Variants in FCHSD2 observed in about 807,000 individuals in gnomAD.
FCHSD2 encodes the protein F-BAR and double SH3 domains protein 2.
A neutral mutation model predicts 108.1 loss-of-function variants in FCHSD2; 38 were observed. That is an observed-to-expected ratio of 0.35 (90% CI 0.27 to 0.46). The LOEUF is 0.46. Ranked by LOEUF, FCHSD2 falls within the 20% of genes least tolerant of loss-of-function variation. FCHSD2 has a pLI of 1.00. For missense variants in FCHSD2, 751 were observed against 897.8 expected (o/e 0.84, Z 2.09); for synonymous variants, 279 against 314.7 (o/e 0.89, Z 1.20).
At chr11:73,080,750 C>T (rs571137650) in intron 3 of FCHSD2, among the ~76,000 whole-genome samples, 2 of 152,112 alleles carry the variant, frequency 1.3e-5, no homozygotes, top group East Asian at 3.9e-4. Flanking sequence ...TCAAAACCAG[C>T]CTGGACAACA....
intron 9 of FCHSD2, among the ~76,000 whole-genome samples, chr11:72,905,736 A>G (rs9795303): frequency 1 from 151,844 of 152,320 alleles, 75,685 homozygotes; most frequent in Middle Eastern, 1. Context: ...TTGGTTTCCA[A>G]CTTCATCAAT....
At chr11:72,866,318 G>A (rs1048886399) in intron 13 of FCHSD2, among the ~76,000 whole-genome samples, 17 of 152,106 alleles carry the variant, frequency 1.1e-4, no homozygotes, top group Non-Finnish European at 8.8e-5. Context: ...CACCCAGGCT[G>A]GAGTGCAATG....
At chr11:72,974,055 A>T (rs572815010) in intron 8 of FCHSD2, among the ~76,000 whole-genome samples, 42 of 122,440 alleles carry the variant, frequency 3.4e-4, no homozygotes, top group Non-Finnish European at 5.3e-4. Context: ...CAGAGTTGAT[A>T]ACAGACAGGT....
intron 3 of FCHSD2, among the ~76,000 whole-genome samples, chr11:73,077,097 C>CAAAAAAAAAAAAA (rs372641793): frequency 1.4e-5 from 1 of 72,486 alleles, no homozygotes. Flanking sequence ...GACTCTGTCT[C>CAAAAAAAAAAAAA]AAAAAAAAAA....
intron 2 of FCHSD2, among the ~76,000 whole-genome samples, chr11:73,100,891 A>T (rs1267626155): frequency 6.8e-6 from 1 of 147,174 alleles, no homozygotes. Context: ...AATGCTGTTT[A>T]GAGGTCCTTC....
intron 12 of FCHSD2, among the ~76,000 whole-genome samples, chr11:72,873,916 C>A (rs966648428): frequency 5.9e-5 from 9 of 152,162 alleles, no homozygotes; most frequent in Non-Finnish European, 1.2e-4. Flanking sequence ...TAACTAGAAA[C>A]CTTCCACTGG....
At chr11:72,955,391 C>G (rs888996741) in intron 8 of FCHSD2, among the ~76,000 whole-genome samples, 17 of 152,184 alleles carry the variant, frequency 1.1e-4, no homozygotes, top group African/African-American at 3.6e-4. Flanking sequence ...CATGCCCTCT[C>G]TGGGTGGGCT....
At position 72,877,076 on chromosome 11, in the gene FCHSD2, G is replaced by T. The variant is rs184452452; in HGVS notation, c.1147-9050C>A. On this transcript the variant is annotated intron_variant, in intron 12 of 19. Coordinates refer to ENST00000409418, the MANE Select transcript of FCHSD2 (RefSeq NM_014824.3). The stretch of plus-strand genomic sequence containing the variant: ...AGCCTCAACCTCCAGGCTGCCTCCA[G>T]TGCAGCCTCATCCTCCTACCTCACC... Among the ~76,000 whole-genome samples, 10 of 151,974 alleles carry T rather than the reference G, an allele frequency of 6.6e-5. No individual in the cohort carries two copies. The East Asian group carries it at 1.2e-3, about 18-fold the overall frequency.
chr11:73,093,688 G>A (rs1267034435), intron 2 of FCHSD2, among the ~76,000 whole-genome samples: 3 of 151,862 alleles, frequency 2.0e-5, no homozygotes, highest in South Asian at 4.1e-4. Flanking sequence ...CACAACCTCC[G>A]CCTCCCGGGT....
intron 2 of FCHSD2, among the ~76,000 whole-genome samples, chr11:73,105,355 C>G (rs1860317829): frequency 1.3e-5 from 2 of 152,206 alleles, no homozygotes; most frequent in African/African-American, 4.8e-5. Flanking sequence ...CTTTATCACA[C>G]CTTCCCTTCC....
chr11:72,993,764 GA>G (rs1450590959), intron 5 of FCHSD2, among the ~76,000 whole-genome samples: 4 of 131,200 alleles, frequency 3.0e-5, no homozygotes, highest in Admixed American at 8.1e-5. Context: ...GTTGTGGGGT[GA>G]GGGGAGGGGG....
chr11:72,888,819 T>G (rs1855254001), intron 11 of FCHSD2, among the ~76,000 whole-genome samples: 1 of 152,234 alleles, frequency 6.6e-6, no homozygotes, highest in African/African-American at 2.4e-5. Context: ...CCGGGTTTTT[T>G]GCCATGTTGC....
intron 9 of FCHSD2, among the ~76,000 whole-genome samples, chr11:72,906,501 A>T (rs879945341): frequency 6.6e-6 from 1 of 152,182 alleles, no homozygotes; most frequent in Non-Finnish European, 1.5e-5. Context: ...GTCTTTGCCC[A>T]TGCCTATGTC....
At chr11:72,961,536 G>A (rs539400449) in intron 8 of FCHSD2, among the ~76,000 whole-genome samples, 7 of 152,212 alleles carry the variant, frequency 4.6e-5, no homozygotes, top group Admixed American at 2.6e-4. Flanking sequence ...GATTACAGGC[G>A]TGAGCCACCA....
At chr11:72,862,308 T>C (rs960214332) in intron 13 of FCHSD2, among the ~76,000 whole-genome samples, 1 of 152,194 alleles carries the variant, frequency 6.6e-6, no homozygotes, top group African/African-American at 2.4e-5. Flanking sequence ...AGTAAAACTG[T>C]CTTTATTTGC....
chr11:73,135,880 C>T (rs141223001), intron 2 of FCHSD2, among the ~76,000 whole-genome samples: 4 of 152,228 alleles, frequency 2.6e-5, no homozygotes, highest in East Asian at 1.9e-4. Context: ...TTAAGGGGTG[C>T]GTTGCAGCAG....
intron 2 of FCHSD2, among the ~76,000 whole-genome samples, chr11:73,128,812 A>G (rs1860920062): frequency 1.3e-5 from 2 of 152,210 alleles, no homozygotes; most frequent in African/African-American, 4.8e-5. Context: ...TTTGAGATTA[A>G]TTTCACGTTT....
chr11:72,944,805 C>T (rs1039352220), intron 8 of FCHSD2, among the ~76,000 whole-genome samples: 5 of 152,046 alleles, frequency 3.3e-5, no homozygotes, highest in African/African-American at 9.7e-5. Flanking sequence ...TCACGACTGC[C>T]TCAAAGAGAA....
chr11:72,861,965 C>A (rs1005373531), intron 13 of FCHSD2, among the ~76,000 whole-genome samples: 2 of 151,568 alleles, frequency 1.3e-5, no homozygotes, highest in Non-Finnish European at 2.9e-5. Context: ...TATATCATTA[C>A]CCAAGTGGGG....
Sources: allele counts gnomAD v4.1 joint callset (sites outside exome capture counted in the v4.1 genomes callset), GRCh38; gene constraint gnomAD v4.1.1; transcripts MANE v1.5; gene names NCBI Gene and HGNC (gene_info 2026-07-23, HGNC 2026-07-21).